The following PIGQ variants were observed in gnomAD, a reference collection of about 807,000 sequenced individuals.
PIGQ encodes the protein phosphatidylinositol N-acetylglucosaminyltransferase subunit Q.
PIGQ carries 54 observed loss-of-function variants against 60.3 expected under a neutral mutation model. The observed-to-expected ratio is 0.90, with a 90% CI of 0.72 to 1.12. The LOEUF is 1.12. Ranked by LOEUF, PIGQ falls within the 50% of genes most tolerant of loss-of-function variation. PIGQ has a pLI of 0.00. For synonymous variants in PIGQ, 416 were observed against 363.7 expected, an observed-to-expected ratio of 1.14 and a Z score of -1.64; for missense variants, 799 against 793.5, an observed-to-expected ratio of 1.01 and a Z score of -0.08.
chr16:580,172 C>A lies in PIGQ; in HGVS notation c.1336-11C>A. On this transcript the variant is annotated splice_polypyrimidine_tract_variant and intron_variant, in intron 7 of 10. Coordinates refer to ENST00000321878, the MANE Select transcript of PIGQ (RefSeq NM_004204.5). Reference sequence around the variant, plus strand: ...CCTGCTGATGCCCGGTGTGCTGGCCCCTCCCTACAGCTGTTCATCGGGACT... The same window carrying A: ...CCTGCTGATGCCCGGTGTGCTGGCCACTCCCTACAGCTGTTCATCGGGACT... 6.2e-7 allele frequency: 1 copy of A among 1,606,884 alleles called. No individual in the cohort carries two copies.
rs1420085410 is a variant in PIGQ at position 578,991 on chromosome 16, G to A, written c.1223+53G>A. 2.9e-5 allele frequency: 44 copies of A among 1,495,244 alleles called. No individual in the cohort carries two copies. The Admixed American group carries it at 6.0e-4, about 20-fold the overall frequency. The allele number at this position is 1,495,244 out of a possible 1,614,324, so 92.6% of individuals were successfully genotyped here. ...GCCCCCTGGGAGGTGCAGAGGCTCC[G>A]GCTGGGCGGGCGTTCGAGTGGGGCG... On this transcript the variant is annotated intron_variant, in intron 6 of 10. Transcript: ENST00000321878.
At position 578,839 on chromosome 16, in the gene PIGQ, T is replaced by G; in HGVS notation, c.1124T>G (p.Leu375Arg). ...FVEHILWHVG[L>R]SACLGLTVAL... ...GAGCACATCCTTTGGCACGTGGGCC[T>G]CTCGGCCTGCCTGGGCCTGACGGTG... Residue 375 changes from leucine (L) to arginine (R), a missense_variant, in exon 6 of 11, where the codon CTC (leucine) becomes CGC (arginine). Transcript: ENST00000321878. 1 of 1,613,802 alleles carries G rather than the reference T, an allele frequency of 6.2e-7. No individual in the cohort carries two copies. Among genetic ancestry groups the G allele is most frequent in the Non-Finnish European group, 8.5e-7 (1 of 1,179,962 alleles).
At chr16:572,743 G>A (rs2035655130) in intron 1 of PIGQ, 1 of 455,786 alleles carries the variant, frequency 2.2e-6, no homozygotes. Flanking sequence ...GATGTGGTGG[G>A]CACTGGGACC....
intron 1 of PIGQ, among the ~76,000 whole-genome samples, chr16:571,902 T>C (rs2035635579): frequency 6.6e-6 from 1 of 151,736 alleles, no homozygotes; most frequent in African/African-American, 2.4e-5. Flanking sequence ...CACTTTTTTT[T>C]TTTAAGGTAA....
rs200078807 is a variant in PIGQ at position 582,900 on chromosome 16, C to T, written c.1611C>T (p.Tyr537=). The part of the protein sequence containing the change: ...RLLMQINPLP[Y]SRVVHTYRLP... ...CCTTCCAGATAAACCCACTGCCCTA[C>T]AGCCGCGTGGTGCACACCTACCGCC... is the stretch of plus-strand genomic sequence containing the variant. The change falls in exon 11 of 11, where the codon TAC becomes TAT. Residue 537 remains tyrosine, a synonymous_variant. Coordinates refer to ENST00000321878, the MANE Select transcript of PIGQ (RefSeq NM_004204.5). The T allele has an allele frequency of 1.1e-5, 17 of 1,606,640 alleles. No individual in the cohort carries two copies. The highest frequency in any genetic ancestry group is 3.3e-5 in the Admixed American group (2 of 59,824).
At chr16:578,131 C>T (rs1042961373) in intron 4 of PIGQ, 47 of 449,754 alleles carry the variant, frequency 1.0e-4, no homozygotes, top group Non-Finnish European at 1.6e-4. Flanking sequence ...CAGGGGGCCA[C>T]GCGGATGCCC....
intron 4 of PIGQ, 64 bp from the exon 5 acceptor site, chr16:578,315 C>T (rs1191480168): frequency 5.3e-5 from 82 of 1,550,842 alleles, no homozygotes; most frequent in Non-Finnish European, 6.1e-5. Flanking sequence ...ACGAAAGAGC[C>T]TGGGGAGATG....
chr16:578,307 G>A (rs534647318), intron 4 of PIGQ, 72 bp from the exon 5 acceptor site: 62 of 1,520,012 alleles, frequency 4.1e-5, no homozygotes, highest in African/African-American at 2.1e-4. Context: ...AGCCCATCAC[G>A]AAAGAGCCTG....
At chr16:578,527 G>C (rs774890234) in intron 5 of PIGQ, 22 bp downstream of exon 5, 1 of 1,606,262 alleles carries the variant, frequency 6.2e-7, no homozygotes, top group Admixed American at 1.7e-5. Flanking sequence ...GCAGGCGGGG[G>C]CCCCAGGGAC....
Position 580,025 on chromosome 16 carries a change from C to A in PIGQ, c.1336-158C>A, listed in dbSNP as rs2071981. 24 of 546,310 alleles carry A rather than the reference C, an allele frequency of 4.4e-5. No homozygotes were observed. The South Asian group carries it at 5.7e-4, about 13-fold the overall frequency. 33.8% of individuals were successfully genotyped at this position (546,310 alleles called of 1,614,324 possible). A position where few individuals can be genotyped will look rare whatever the true frequency, so the allele number is the denominator to read the frequency against. On this transcript the variant is annotated intron_variant, in intron 7 of 10. Transcript: ENST00000321878. Reference sequence around the variant, plus strand: ...GTCCGTGGGGTGTGGGTGGACAGCCCTCCTGCTACTGGGACTGCTTCTGAG... The same window carrying A: ...GTCCGTGGGGTGTGGGTGGACAGCCATCCTGCTACTGGGACTGCTTCTGAG...
Position 575,960 on chromosome 16 carries a change from C to A in PIGQ, c.811C>A (p.Gln271Lys). 1 of 1,584,584 alleles carries A rather than the reference C, an allele frequency of 6.3e-7. No homozygotes were observed. The highest frequency in any genetic ancestry group is 2.3e-5 in the East Asian group (1 of 43,600). ...TACACGGAAGGCGGAGAACCCTGCC[C>A]AGCTGATGAGGTGTGGGCCTGCCCT... Reference protein sequence around the residue: ...FSTRKAENPAQLMRKANTVAS... With the variant: ...FSTRKAENPAKLMRKANTVAS... The change falls in exon 3 of 11, where the codon CAG becomes AAG. Residue 271 changes from glutamine to lysine, a missense_variant. Gln to Lys is a moderately conservative substitution (Grantham distance 53, BLOSUM62 1). Coordinates refer to ENST00000321878, the MANE Select transcript of PIGQ (RefSeq NM_004204.5).
At position 574,291 on chromosome 16, in the gene PIGQ, C is replaced by T; in HGVS notation, c.217C>T (p.Pro73Ser). The T allele has an allele frequency of 1.9e-6, 3 of 1,606,178 alleles. No individual in the cohort carries two copies. The highest frequency in any genetic ancestry group is 2.5e-6 in the Non-Finnish European group (3 of 1,178,938). ...CACCTGGTGCCACTGCCGGCAGGAG[C>T]CCGAGGAGAGCCTGGGCCGCTTCCT... is the stretch of plus-strand genomic sequence containing the variant. ...LGTWCHCRQE[P>S]EESLGRFLES... The change falls in exon 2 of 11, where the codon CCC becomes TCC. Residue 73 changes from proline (P) to serine (S), a missense_variant. Coordinates refer to ENST00000321878, the MANE Select transcript of PIGQ (RefSeq NM_004204.5).
At chr16:579,405 C>T (rs977857444) in intron 7 of PIGQ, 40 of 570,136 alleles carry the variant, frequency 7.0e-5, no homozygotes, top group Non-Finnish European at 1.1e-4. Context: ...CACACAGCCC[C>T]GAAGGTGGTG....
rs756884727 is a variant in PIGQ, at chr16:578,456, G to A, written c.1020G>A (p.Leu340=). Residue 340 remains leucine, a synonymous_variant, in exon 5 of 11, where the codon CTG becomes CTA. Coordinates refer to ENST00000321878, the MANE Select transcript of PIGQ (RefSeq NM_004204.5). ...APAGLKMNRA[L]DQVLGRFFLY... is the part of the protein sequence containing the mutation. ...CCGGGCTCAAGATGAACCGTGCACT[G>A]GACCAGGTGCTGGGCCGCTTCTTCC... The A allele has an allele frequency of 5.0e-6, 8 of 1,612,594 alleles. No individual in the cohort carries two copies. The African/African-American group carries it at 5.3e-5, about 11-fold the overall frequency.
intron 1 of PIGQ, chr16:572,681 G>A (rs189770876): frequency 3.0e-4 from 139 of 456,014 alleles, no homozygotes; most frequent in African/African-American, 2.2e-3. Flanking sequence ...CCCTAAGGGC[G>A]TGGTGGGCAC....
chr16:582,648 G>T, intron 10 of PIGQ: 1 of 593,280 alleles, frequency 1.7e-6, no homozygotes, highest in Non-Finnish European at 3.0e-6. Flanking sequence ...CCTGTGGCAC[G>T]GCCCCTCAGA....
intron 1 of PIGQ, among the ~76,000 whole-genome samples, chr16:571,121 GTGCCCGTGTGTGTGTGTGTGTGT>G (rs2035615424): frequency 4.7e-4 from 1 of 2,144 alleles, no homozygotes; most frequent in Non-Finnish European, 1.0e-3. Flanking sequence ...GGCTAGCCTG[GTGCCCGTGTGTGTGTGTGTGTGT>G]CTGGCTAGCC....
At chr16:578,132 G>A (rs1453227446) in intron 4 of PIGQ, 3 of 448,004 alleles carry the variant, frequency 6.7e-6, no homozygotes, top group Non-Finnish European at 1.2e-5. Context: ...AGGGGGCCAC[G>A]CGGATGCCCT....
rs2035852804 is a variant in PIGQ at position 583,616 on chromosome 16, T to G, written c.*581T>G. On this transcript the variant is annotated 3_prime_UTR_variant, in exon 11 of 11. Coordinates refer to ENST00000321878, the MANE Select transcript of PIGQ (RefSeq NM_004204.5). ...ACGGGGTTTATTTGCGGATGTTCCC[T>G]GGAGAGGTCGCTTTGTGAAGAAACC... 6.2e-7 allele frequency: 1 copy of G among 1,612,698 alleles called. No homozygotes were observed. Among genetic ancestry groups the G allele is most frequent in the Non-Finnish European group, 8.5e-7 (1 of 1,179,926 alleles).
Sources: allele counts gnomAD v4.1 joint callset (sites outside exome capture counted in the v4.1 genomes callset), GRCh38; gene constraint gnomAD v4.1.1; transcripts MANE v1.5; gene names NCBI Gene and HGNC (gene_info 2026-07-23, HGNC 2026-07-21).